PMS1: variants seen among roughly 807,000 people sequenced by gnomAD.
PMS1 encodes PMS1 protein homolog 1.
In PMS1, 79 loss-of-function variants were observed where a neutral mutation model predicts 93.1. The ratio of observed to expected loss-of-function variants is 0.85; its 90% CI spans 0.71 to 1.02. The LOEUF (loss-of-function observed/expected upper bound fraction) is 1.02, where lower values mean the gene tolerates loss of function less well. PMS1 is among the 50% of genes least tolerant of loss of function. The pLI, the probability that PMS1 is intolerant of heterozygous loss-of-function variation, is 0.00. For missense variants in PMS1, 1,064 were observed against 1,085.3 expected (o/e 0.98, Z 0.28); for synonymous variants, 335 against 363.4 (o/e 0.92, Z 0.89).
intron 3 of PMS1, among the ~76,000 whole-genome samples, chr2:189,802,382 AAAAT>A (rs772419377): frequency 6.6e-6 from 1 of 152,238 alleles, no homozygotes; most frequent in African/African-American, 2.4e-5. Flanking sequence ...ATTATAAGAG[AAAAT>A]AAATATGTTT....
chr2:189,834,988 G>A (rs2053263711), intron 5 of PMS1, among the ~76,000 whole-genome samples: 1 of 152,170 alleles, frequency 6.6e-6, no homozygotes, highest in African/African-American at 2.4e-5. Flanking sequence ...TGGGATTACA[G>A]GCCTGAACCA....
chr2:189,821,459 A>G (rs1375494022), intron 5 of PMS1, among the ~76,000 whole-genome samples: 1 of 145,936 alleles, frequency 6.9e-6, no homozygotes, highest in East Asian at 2.0e-4. Flanking sequence ...TCCGTCTCAA[A>G]AAAAAAAAAA....
At chr2:189,868,042 A>G in intron 11 of PMS1, 113 bp downstream of exon 11, 1 of 896,752 alleles carries the variant, frequency 1.1e-6, no homozygotes, top group Non-Finnish European at 1.9e-6. Flanking sequence ...TCTCACTATA[A>G]GTACAGTGTC....
Position 189,835,933 on chromosome 2 carries a change from T to C in PMS1, c.583-8031T>C, listed in dbSNP as rs991398312. Among the ~76,000 whole-genome samples, 9 of 148,974 alleles carry C rather than the reference T, an allele frequency of 6.0e-5. No homozygotes were observed. The South Asian group carries it at 1.9e-3, about 31-fold the overall frequency. On this transcript the variant is annotated intron_variant, in intron 5 of 12. Transcript: ENST00000441310. ...AAAAAAAAAAAAAAAAAAAAATTCA[T>C]TGGTGCTGCTTCTTGTTTGGTGGAA...
At chr2:189,805,939 T>A in intron 4 of PMS1, 185 bp downstream of exon 4, 1 of 1,507,544 alleles carries the variant, frequency 6.6e-7, no homozygotes, top group Non-Finnish European at 8.8e-7. Flanking sequence ...ATATTTAGAA[T>A]TGTTCTCAAA....
Position 189,854,642 on chromosome 2 carries a change from G to T in PMS1, c.1370G>T (p.Cys457Phe), listed in dbSNP as rs1192366896. 6.2e-7 allele frequency: 1 copy of T among 1,613,928 alleles called. No individual in the cohort carries two copies. The highest frequency in any genetic ancestry group is 8.5e-7 in the Non-Finnish European group (1 of 1,179,890). Residue 457 changes from cysteine to phenylalanine, a missense_variant, in exon 9 of 13, where the codon TGT becomes TTT. Physicochemically the swap from Cys to Phe is radical, Grantham distance 205 (BLOSUM62 -2). Transcript: ENST00000441310. ...TCTCAGACGGAATATAGTAAAACTT[G>T]TTTTATAAGTTCCGTTAAGCACACC... is the stretch of plus-strand genomic sequence containing the variant. ...ENSQTEYSKT[C>F]FISSVKHTQS...
chr2:189,844,558 C>CA (rs1172832078), intron 6 of PMS1, among the ~76,000 whole-genome samples: 1 of 148,678 alleles, frequency 6.7e-6, no homozygotes, highest in Admixed American at 6.7e-5. Flanking sequence ...GCAGGATAAT[C>CA]ACTTGAATCC....
Position 189,791,842 on chromosome 2 carries a change from C to T in PMS1, c.33C>T (p.Leu11=), listed in dbSNP as rs762260830. The change falls in exon 2 of 13, where the codon CTC becomes CTT. Residue 11 remains leucine (L), a synonymous_variant. Coordinates refer to ENST00000441310, the MANE Select transcript of PMS1 (RefSeq NM_000534.5). The stretch of plus-strand genomic sequence containing the variant: ...AATTGCCTGCGGCAACAGTTCGACT[C>T]CTTTCAAGTTCTCAGATCATCACTT... MKQLPAATVR[L]LSSSQIITSV... 2.0e-5 allele frequency: 32 copies of T among 1,613,814 alleles called. No individual in the cohort carries two copies. The highest frequency in any genetic ancestry group is 2.4e-5 in the Non-Finnish European group (28 of 1,179,850).
chr2:189,860,488 A>G (rs1270104293), intron 9 of PMS1, among the ~76,000 whole-genome samples: 2 of 152,082 alleles, frequency 1.3e-5, no homozygotes, highest in Non-Finnish European at 2.9e-5. Context: ...CAGTTGATGG[A>G]CATTTGGGTT....
chr2:189,872,379 C>CT (rs961891554), intron 11 of PMS1, among the ~76,000 whole-genome samples: 2 of 152,024 alleles, frequency 1.3e-5, no homozygotes, highest in African/African-American at 2.4e-5. Context: ...TATCACATCT[C>CT]TTTTTTTAAA....
chr2:189,850,647 C>T (rs1041966692), intron 6 of PMS1, among the ~76,000 whole-genome samples: 2 of 152,066 alleles, frequency 1.3e-5, no homozygotes, highest in Non-Finnish European at 2.9e-5. Flanking sequence ...GGACCATCAT[C>T]ATTTATACGG....
At chr2:189,853,354 GT>G (rs922265581) in intron 7 of PMS1, among the ~76,000 whole-genome samples, 1 of 151,762 alleles carries the variant, frequency 6.6e-6, no homozygotes, top group Non-Finnish European at 1.5e-5. Flanking sequence ...CCATGCCAGA[GT>G]TTTGATTTGA....
In PMS1 at chr2:189,867,899, G is replaced by A. The variant is rs2056800237; in HGVS notation, c.2443G>A (p.Ala815Thr). 2 of 1,610,842 alleles carry A rather than the reference G, an allele frequency of 1.2e-6. No individual in the cohort carries two copies. Among genetic ancestry groups the A allele is most frequent in the South Asian group, 2.2e-5 (2 of 91,006 alleles). Residue 815 changes from alanine (A) to threonine (T), a missense_variant, in exon 11 of 13, where the codon GCG becomes ACG. Physicochemically the swap from Ala to Thr is moderately conservative, Grantham distance 58 (BLOSUM62 0). Coordinates refer to ENST00000441310, the MANE Select transcript of PMS1 (RefSeq NM_000534.5). Reference sequence around the variant, plus strand: ...TTACCTGTCTGATCCTCGTCTTACAGCGAATGGTTTCAAGATAAAATTGAT... The same window carrying A: ...TTACCTGTCTGATCCTCGTCTTACAACGAATGGTTTCAAGATAAAATTGAT... ...STYLSDPRLTANGFKIKLIPG... is the reference protein window; with the variant it reads ...STYLSDPRLTTNGFKIKLIPG...
intron 2 of PMS1, among the ~76,000 whole-genome samples, chr2:189,794,247 G>A (rs2049145871): frequency 6.6e-6 from 1 of 152,014 alleles, no homozygotes; most frequent in African/African-American, 2.4e-5. Flanking sequence ...CAAGTAGCTG[G>A]GATTACAGGT....
chr2:189,864,687 A>AAT lies in PMS1; in HGVS notation c.2342+506_2342+507dup, dbSNP rs1220402323. Among the ~76,000 whole-genome samples, 170 of 18,226 alleles carry AAT rather than the reference A, an allele frequency of 9.3e-3. 2 individuals are homozygous for AAT. The highest frequency in any genetic ancestry group is 0.013 in the East Asian group (7 of 552). The allele number at this position is 18,226 out of a possible 152,430, so 12.0% of individuals were successfully genotyped here. On this transcript the variant is annotated intron_variant, in intron 10 of 12. Transcript: ENST00000441310. ...AAAAAAAAAAAAAAAAAAAAAAAAA[A>AAT]ATATATATATATATATATATATATA...
chr2:189,873,480 ATTTT>A lies in PMS1; in HGVS notation c.2474-11_2474-8del. The A allele has an allele frequency of 1.3e-6, 2 of 1,550,246 alleles. No individual in the cohort carries two copies. The stretch of plus-strand genomic sequence containing the variant: ...AATATGAACTTAACTATGTGTTTTT[ATTTT>A]TTTTCTTTCAGGAGTTTCAATTACT... On this transcript the variant is annotated splice_polypyrimidine_tract_variant and intron_variant, in intron 11 of 12. Transcript: ENST00000441310.
At chr2:189,841,402 G>T (rs2053809700) in intron 5 of PMS1, among the ~76,000 whole-genome samples, 1 of 152,132 alleles carries the variant, frequency 6.6e-6, no homozygotes, top group Non-Finnish European at 1.5e-5. Flanking sequence ...CTGAGTAGTT[G>T]TTACACTATC....
intron 3 of PMS1, among the ~76,000 whole-genome samples, chr2:189,796,802 C>T (rs1043693448): frequency 6.6e-6 from 1 of 152,098 alleles, no homozygotes; most frequent in Non-Finnish European, 1.5e-5. Flanking sequence ...TTTCACCCAC[C>T]TTTGGGCTAT....
intron 10 of PMS1, among the ~76,000 whole-genome samples, chr2:189,865,452 T>C (rs2056569703): frequency 6.6e-6 from 1 of 152,214 alleles, no homozygotes; most frequent in Admixed American, 6.5e-5. Context: ...AGGTTGGCTA[T>C]ATGCTTCATA....
Sources: allele counts gnomAD v4.1 joint callset (sites outside exome capture counted in the v4.1 genomes callset), GRCh38; gene constraint gnomAD v4.1.1; transcripts MANE v1.5; gene names NCBI Gene and HGNC (gene_info 2026-07-23, HGNC 2026-07-21).